NRG3: variants seen among roughly 807,000 people sequenced by gnomAD.
NRG3 encodes the protein pro-neuregulin-3, membrane-bound isoform.
In NRG3, 31 loss-of-function variants were observed where a neutral mutation model predicts 66.9. That is an observed-to-expected ratio of 0.46 (90% CI 0.35 to 0.63). The LOEUF (loss-of-function observed/expected upper bound fraction) is 0.63. Among genes scored for constraint, NRG3 ranks in the 20% least tolerant of loss-of-function variants. The pLI is 0.00. For missense variants in NRG3, 910 were observed against 878.9 expected, an observed-to-expected ratio of 1.04 and a Z score of -0.45; for synonymous variants, 393 against 359.4, an observed-to-expected ratio of 1.09 and a Z score of -1.06.
chr10:82,314,624 T>C (rs7922079), intron 1 of NRG3, among the ~76,000 whole-genome samples: 21,129 of 151,880 alleles, frequency 0.14, 1,583 homozygotes, highest in East Asian at 0.24. Context: ...CTGGCTAGCA[T>C]GGTGAAACCC....
At chr10:82,976,277 A>C (rs1251336660) in intron 7 of NRG3, among the ~76,000 whole-genome samples, 1 of 152,114 alleles carries the variant, frequency 6.6e-6, no homozygotes. Flanking sequence ...GCTGGTCTTG[A>C]AGTCCTGACC....
Position 82,649,580 on chromosome 10 carries a change from A to G in NRG3, c.954-88997A>G, listed in dbSNP as rs559463377. 2.7e-5 allele frequency among the ~76,000 whole-genome samples: 4 copies of G among 146,660 alleles called. No homozygotes were observed. In the East Asian group the frequency reaches 6.2e-4, roughly 23 times the overall value. ...CTGCCTCCCAGGTTTAAGCGTCCCTAGTAACTGGGATTACAGGCACACACC... is the reference window on the plus strand; with the variant it reads ...CTGCCTCCCAGGTTTAAGCGTCCCTGGTAACTGGGATTACAGGCACACACC... On this transcript the variant is annotated intron_variant, in intron 2 of 8. Transcript: ENST00000372141.
At chr10:82,884,866 A>G (rs1449950447) in intron 4 of NRG3, among the ~76,000 whole-genome samples, 1 of 152,224 alleles carries the variant, frequency 6.6e-6, no homozygotes, top group Non-Finnish European at 1.5e-5. Flanking sequence ...TAATGTGTAT[A>G]TTAAAGTTCT....
intron 3 of NRG3, among the ~76,000 whole-genome samples, chr10:82,760,507 G>A (rs2059260790): frequency 6.6e-6 from 1 of 152,136 alleles, no homozygotes; most frequent in African/African-American, 2.4e-5. Context: ...TAATAGCGAA[G>A]CATAATCATC....
chr10:82,391,314 G>A (rs538028352), intron 2 of NRG3, among the ~76,000 whole-genome samples: 1 of 152,240 alleles, frequency 6.6e-6, no homozygotes, highest in Admixed American at 6.5e-5. Flanking sequence ...CAGAAAGGAA[G>A]GCCCAGAACA....
At chr10:81,943,798 A>T (rs1848599855) in intron 1 of NRG3, among the ~76,000 whole-genome samples, 1 of 152,176 alleles carries the variant, frequency 6.6e-6, no homozygotes, top group Non-Finnish European at 1.5e-5. Context: ...GGTGCTTTAT[A>T]CTGTAGTTAA....
intron 1 of NRG3, among the ~76,000 whole-genome samples, chr10:81,923,890 A>G (rs574395598): frequency 3.9e-5 from 6 of 152,148 alleles, no homozygotes; most frequent in Non-Finnish European, 8.8e-5. Context: ...CTCAGGTGGC[A>G]TGGGGAGAAT....
At position 82,916,630 on chromosome 10, in the gene NRG3, ATTT is replaced by A. The variant is rs10628568; in HGVS notation, c.1055-34827_1055-34825del. On this transcript the variant is annotated intron_variant, in intron 4 of 8. Transcript: ENST00000372141. ...ACAGTATAAAGATCCCAGCAATTACATTTTTTTTTTTTTTGAGACAGAGCCTTG... is the reference window on the plus strand; with the variant it reads ...ACAGTATAAAGATCCCAGCAATTACATTTTTTTTTTTGAGACAGAGCCTTG... Among the ~76,000 whole-genome samples the A allele has an allele frequency of 2.4e-4, 36 of 148,004 alleles. No homozygotes were observed. In the East Asian group the frequency reaches 2.8e-3, roughly 11 times the overall value.
chr10:82,049,932 T>C lies in NRG3; in HGVS notation c.823+173769T>C, dbSNP rs554592536. ...AATTGTTTATTTCCTGTTGTGCCTA[T>C]AGTGTTGAATTTGCAGGAATGACTT... On this transcript the variant is annotated intron_variant, in intron 1 of 8. Coordinates refer to ENST00000372141, the MANE Select transcript of NRG3 (RefSeq NM_001010848.4). 3.3e-5 allele frequency among the ~76,000 whole-genome samples: 5 copies of C among 152,174 alleles called. No individual in the cohort carries two copies. The East Asian group carries it at 9.7e-4, about 30-fold the overall frequency.
At chr10:81,967,298 C>T (rs2059767842) in intron 1 of NRG3, among the ~76,000 whole-genome samples, 1 of 151,642 alleles carries the variant, frequency 6.6e-6, no homozygotes, top group South Asian at 2.1e-4. Flanking sequence ...TTTATCTTAA[C>T]ATTTTTCCCT....
At chr10:82,537,631 C>G (rs2043250410) in intron 2 of NRG3, among the ~76,000 whole-genome samples, 1 of 152,088 alleles carries the variant, frequency 6.6e-6, no homozygotes, top group Admixed American at 6.5e-5. Flanking sequence ...ATACAGCCTT[C>G]AAGTAAGAAA....
chr10:82,790,361 G>A (rs536565892), intron 3 of NRG3, among the ~76,000 whole-genome samples: 4 of 151,982 alleles, frequency 2.6e-5, no homozygotes, highest in South Asian at 2.1e-4. Context: ...GGACAGTTTC[G>A]CTATTGGTTT....
chr10:82,175,731 C>T (rs1165574329), intron 1 of NRG3, among the ~76,000 whole-genome samples: 1 of 152,156 alleles, frequency 6.6e-6, no homozygotes, highest in Non-Finnish European at 1.5e-5. Flanking sequence ...ATATCTTATC[C>T]ATCATTGTCT....
chr10:82,576,838 A>G (rs2046061018), intron 2 of NRG3, among the ~76,000 whole-genome samples: 1 of 151,734 alleles, frequency 6.6e-6, no homozygotes, highest in Admixed American at 6.6e-5. Flanking sequence ...AAATAAACAA[A>G]TGTCTCTAGG....
intron 3 of NRG3, among the ~76,000 whole-genome samples, chr10:82,844,032 A>G (rs2063191351): frequency 6.6e-6 from 1 of 152,154 alleles, no homozygotes; most frequent in South Asian, 2.1e-4. Context: ...CTATATATAA[A>G]TATATATAAG....
chr10:82,960,625 T>C (rs1040038769), intron 6 of NRG3, among the ~76,000 whole-genome samples: 1 of 152,154 alleles, frequency 6.6e-6, no homozygotes, highest in Non-Finnish European at 1.5e-5. Flanking sequence ...TCCTGCCTTT[T>C]CTGATGACAT....
chr10:82,907,402 G>A (rs113250076), intron 4 of NRG3, among the ~76,000 whole-genome samples: 8 of 152,170 alleles, frequency 5.3e-5, no homozygotes, highest in Middle Eastern at 3.4e-3. Flanking sequence ...AACAGTTTGC[G>A]AATCATGGAT....
At chr10:82,856,517 G>A (rs2063809021) in intron 3 of NRG3, among the ~76,000 whole-genome samples, 1 of 152,022 alleles carries the variant, frequency 6.6e-6, no homozygotes, top group Non-Finnish European at 1.5e-5. Flanking sequence ...GGCCAAGGTG[G>A]GCGGATCACT....
At chr10:82,156,794 A>G (rs1564617744) in intron 1 of NRG3, among the ~76,000 whole-genome samples, 1 of 151,616 alleles carries the variant, frequency 6.6e-6, no homozygotes, top group Non-Finnish European at 1.5e-5. Context: ...AATAGCTATT[A>G]ATAATATAGG....
Sources: allele counts gnomAD v4.1 joint callset (sites outside exome capture counted in the v4.1 genomes callset), GRCh38; gene constraint gnomAD v4.1.1; transcripts MANE v1.5; gene names NCBI Gene and HGNC (gene_info 2026-07-23, HGNC 2026-07-21).